The following GAB2 variants were observed in gnomAD, a reference collection of about 807,000 sequenced individuals.
GAB2 encodes GRB2 associated binding protein 2.
In GAB2, 26 loss-of-function variants were observed where a neutral mutation model predicts 65.5. That is an observed-to-expected ratio of 0.40 (90% CI 0.29 to 0.55). GAB2 has a LOEUF of 0.55. Among genes scored for constraint, GAB2 ranks in the 20% least tolerant of loss-of-function variants. The pLI is 0.53. For missense variants in GAB2, 884 were observed against 875.8 expected, an observed-to-expected ratio of 1.01 and a Z score of -0.12; for synonymous variants, 321 against 329.6, an observed-to-expected ratio of 0.97 and a Z score of 0.28.
At chr11:78,400,054 G>A (rs1856949718) in intron 1 of GAB2, among the ~76,000 whole-genome samples, 1 of 152,134 alleles carries the variant, frequency 6.6e-6, no homozygotes, top group Admixed American at 6.5e-5. Context: ...CTCTTTATCA[G>A]TAAATGTCAT....
intron 6 of GAB2, 79 bp downstream of exon 6, chr11:78,223,333 G>T: frequency 1.6e-6 from 2 of 1,217,282 alleles, no homozygotes; most frequent in South Asian, 1.8e-5. Context: ...TCAAGTCCAG[G>T]ATCCACATGA....
chr11:78,300,641 T>C (rs868014251), intron 1 of GAB2, among the ~76,000 whole-genome samples: 2 of 151,216 alleles, frequency 1.3e-5, no homozygotes, highest in South Asian at 4.2e-4. Context: ...ATGGCGACTG[T>C]AGGGGATGGG....
intron 2 of GAB2, among the ~76,000 whole-genome samples, chr11:78,279,895 G>C (rs1448353538): frequency 6.6e-6 from 1 of 152,076 alleles, no homozygotes; most frequent in Non-Finnish European, 1.5e-5. Context: ...CATGTTTTGG[G>C]AATATGCCTG....
intron 2 of GAB2, among the ~76,000 whole-genome samples, chr11:78,260,346 C>A (rs1203413396): frequency 2.0e-5 from 3 of 152,238 alleles, no homozygotes; most frequent in Non-Finnish European, 4.4e-5. Flanking sequence ...GAGCGAGTGA[C>A]TGTAGCTTAG....
chr11:78,244,946 A>T (rs994704833), intron 3 of GAB2, among the ~76,000 whole-genome samples: 1 of 152,232 alleles, frequency 6.6e-6, no homozygotes, highest in Admixed American at 6.5e-5. Context: ...TATATATCTG[A>T]AGGAAAGGAA....
At chr11:78,325,921 T>C (rs1426573266) in intron 1 of GAB2, among the ~76,000 whole-genome samples, 1 of 152,222 alleles carries the variant, frequency 6.6e-6, no homozygotes, top group East Asian at 1.9e-4. Context: ...TTTTAAACAT[T>C]GTATTTTTTA....
intron 1 of GAB2, among the ~76,000 whole-genome samples, chr11:78,377,918 C>A (rs1856652007): frequency 6.6e-6 from 1 of 152,218 alleles, no homozygotes; most frequent in South Asian, 2.1e-4. Context: ...CTATCCAGCA[C>A]TGCTTCCCTT....
intron 1 of GAB2, among the ~76,000 whole-genome samples, chr11:78,373,238 CTTT>C (rs535640025): frequency 2.2e-5 from 3 of 136,094 alleles, no homozygotes; most frequent in Non-Finnish European, 1.6e-5. Context: ...ATTATAATGA[CTTT>C]TTTTTTTTTT....
intron 3 of GAB2, among the ~76,000 whole-genome samples, chr11:78,249,926 A>AT (rs1369887631): frequency 9.2e-5 from 14 of 151,884 alleles, no homozygotes; most frequent in African/African-American, 3.4e-4. Flanking sequence ...TTATAGCATG[A>AT]TTTTTGATAA....
At chr11:78,286,084 T>A (rs1866473537) in intron 1 of GAB2, among the ~76,000 whole-genome samples, 2 of 152,240 alleles carry the variant, frequency 1.3e-5, no homozygotes, top group Admixed American at 1.3e-4. Context: ...CAACAAATAT[T>A]TATTCAGTGC....
At chr11:78,336,326 CAAAAAAAAAAAAAAAAAAAAAAA>C (rs71046966) in intron 1 of GAB2, among the ~76,000 whole-genome samples, 1 of 19,258 alleles carries the variant, frequency 5.2e-5, no homozygotes, top group Admixed American at 1.1e-3. Context: ...GACTGTCTCT[CAAAAAAAAAAAAAAAAAAAAAAA>C]AAAAAAAAAA....
At chr11:78,299,565 T>C (rs1380396085) in intron 1 of GAB2, among the ~76,000 whole-genome samples, 1 of 152,188 alleles carries the variant, frequency 6.6e-6, no homozygotes, top group Non-Finnish European at 1.5e-5. Flanking sequence ...AAATACAGTA[T>C]CATGAAAAGC....
At chr11:78,268,895 C>A (rs190746216) in intron 2 of GAB2, among the ~76,000 whole-genome samples, 5 of 152,034 alleles carry the variant, frequency 3.3e-5, no homozygotes, top group African/African-American at 1.2e-4. Flanking sequence ...GAAACATTTG[C>A]GAGGATTTTA....
At chr11:78,243,269 A>G (rs1243238591) in intron 3 of GAB2, among the ~76,000 whole-genome samples, 2 of 151,580 alleles carry the variant, frequency 1.3e-5, no homozygotes, top group African/African-American at 4.9e-5. Context: ...GGAGTTAGAG[A>G]CCAACCTGGC....
intron 1 of GAB2, among the ~76,000 whole-genome samples, chr11:78,416,637 G>C (rs778927855): frequency 6.6e-6 from 1 of 152,136 alleles, no homozygotes; most frequent in Non-Finnish European, 1.5e-5. Flanking sequence ...GAGCAGATGA[G>C]AGACCTTGAA....
At chr11:78,299,994 C>G (rs1866947996) in intron 1 of GAB2, among the ~76,000 whole-genome samples, 1 of 152,032 alleles carries the variant, frequency 6.6e-6, no homozygotes, top group Admixed American at 6.6e-5. Flanking sequence ...AAAATGCATC[C>G]ATCTTAACAG....
At chr11:78,253,894 C>T (rs1170646238) in intron 2 of GAB2, among the ~76,000 whole-genome samples, 1 of 152,214 alleles carries the variant, frequency 6.6e-6, no homozygotes, top group Non-Finnish European at 1.5e-5. Flanking sequence ...CGAGTTTCCT[C>T]AGTATTACAA....
intron 1 of GAB2, among the ~76,000 whole-genome samples, chr11:78,329,953 G>A (rs1370245705): frequency 6.6e-6 from 1 of 152,198 alleles, no homozygotes; most frequent in Non-Finnish European, 1.5e-5. Flanking sequence ...AGACTGGTAA[G>A]GTGGAAATGA....
intron 2 of GAB2, among the ~76,000 whole-genome samples, chr11:78,273,719 G>C (rs957592375): frequency 9.2e-5 from 14 of 152,308 alleles, no homozygotes; most frequent in African/African-American, 3.4e-4. Flanking sequence ...GATTTGAAAG[G>C]GGGCAGGGGC....
Sources: allele counts gnomAD v4.1 joint callset (sites outside exome capture counted in the v4.1 genomes callset), GRCh38; gene constraint gnomAD v4.1.1; transcripts MANE v1.5; gene names NCBI Gene and HGNC (gene_info 2026-07-23, HGNC 2026-07-21).